The following FAM184A variants were observed in gnomAD, a reference collection of about 807,000 sequenced individuals.
FAM184A encodes the protein protein FAM184A.
FAM184A carries 99 observed loss-of-function variants against 143.8 expected under a neutral mutation model. The ratio of observed to expected loss-of-function variants is 0.69; its 90% CI spans 0.58 to 0.81. The LOEUF (loss-of-function observed/expected upper bound fraction) is 0.81, where lower values mean the gene tolerates loss of function less well. Ranked by LOEUF, FAM184A falls within the 40% of genes least tolerant of loss-of-function variation. The pLI, the probability that FAM184A is intolerant of heterozygous loss-of-function variation, is 0.00. For synonymous variants in FAM184A, 427 were observed against 446.4 expected (o/e 0.96, Z 0.55); for missense variants, 1,217 against 1,310.5 (o/e 0.93, Z 1.10).
chr6:119,091,322 G>C (rs184342031), intron 1 of FAM184A, among the ~76,000 whole-genome samples: 10 of 152,168 alleles, frequency 6.6e-5, no homozygotes, highest in Non-Finnish European at 1.5e-4. Context: ...TCTCCACCTT[G>C]GTTTCTAGAC....
intron 1 of FAM184A, among the ~76,000 whole-genome samples, chr6:119,084,089 G>A (rs200048598): frequency 8.5e-6 from 1 of 117,394 alleles, no homozygotes; most frequent in South Asian, 3.0e-4. Flanking sequence ...GAGAGAGAGA[G>A]AGAAAGAGAG....
intron 1 of FAM184A, among the ~76,000 whole-genome samples, chr6:119,144,333 C>CAAAA (rs555955754): frequency 1.3e-5 from 1 of 77,984 alleles, no homozygotes; most frequent in Admixed American, 1.5e-4. Flanking sequence ...GACTCTGACT[C>CAAAA]AAAAAAAAAA....
intron 1 of FAM184A, among the ~76,000 whole-genome samples, chr6:119,102,029 C>T (rs1378429767): frequency 6.6e-6 from 1 of 152,084 alleles, no homozygotes; most frequent in African/African-American, 2.4e-5. Flanking sequence ...GCACTCCAGC[C>T]TGGGCAACAC....
chr6:119,143,739 G>A (rs910361226), intron 1 of FAM184A, among the ~76,000 whole-genome samples: 7 of 152,324 alleles, frequency 4.6e-5, no homozygotes, highest in Admixed American at 3.9e-4. Flanking sequence ...ATCCCACTTG[G>A]ATGAGAGGCA....
intron 1 of FAM184A, among the ~76,000 whole-genome samples, chr6:119,099,284 G>A (rs1198754271): frequency 6.6e-6 from 1 of 151,960 alleles, no homozygotes; most frequent in Non-Finnish European, 1.5e-5. Flanking sequence ...CTCATCTTTA[G>A]CTTCTGCAGG....
At chr6:118,964,642 A>G (rs373300678) in intron 16 of FAM184A, 25 bp downstream of exon 16, 11 of 1,316,192 alleles carry the variant, frequency 8.4e-6, no homozygotes, top group Non-Finnish European at 1.1e-5. Flanking sequence ...CCACATTCCT[A>G]TTCTACAGTG....
At chr6:119,104,774 C>T (rs76607174) in intron 1 of FAM184A, among the ~76,000 whole-genome samples, 9 of 152,174 alleles carry the variant, frequency 5.9e-5, no homozygotes, top group African/African-American at 1.4e-4. Flanking sequence ...ATAAAACGCG[C>T]GAAAAACTGT....
chr6:119,136,139 G>A (rs552089271), intron 1 of FAM184A, among the ~76,000 whole-genome samples: 202 of 149,704 alleles, frequency 1.3e-3, no homozygotes, highest in African/African-American at 3.9e-3. Flanking sequence ...TTAGCCGGGC[G>A]CGGTGGCGGG....
intron 6 of FAM184A, among the ~76,000 whole-genome samples, chr6:119,007,149 C>T (rs774861321): frequency 7.2e-5 from 11 of 151,992 alleles, no homozygotes; most frequent in Non-Finnish European, 1.3e-4. Context: ...TTTATACACT[C>T]GAAATTAGAA....
At chr6:118,994,927 T>A (rs559231680) in intron 9 of FAM184A, among the ~76,000 whole-genome samples, 1 of 152,298 alleles carries the variant, frequency 6.6e-6, no homozygotes, top group Non-Finnish European at 1.5e-5. Context: ...ATATTACACA[T>A]GCATATATCC....
chr6:118,981,135 G>A (rs1438075980), intron 9 of FAM184A, among the ~76,000 whole-genome samples: 2 of 152,100 alleles, frequency 1.3e-5, no homozygotes, highest in African/African-American at 4.8e-5. Flanking sequence ...CAGTATGTCT[G>A]TATCACTTCT....
intron 6 of FAM184A, 62 bp from the exon 7 acceptor site, chr6:119,006,670 C>A: frequency 7.9e-7 from 1 of 1,273,376 alleles, no homozygotes; most frequent in African/African-American, 1.5e-5. Context: ...AATAGTCTTA[C>A]AATTTCTTCC....
At chr6:118,968,628 C>T (rs1783573160) in intron 14 of FAM184A, among the ~76,000 whole-genome samples, 1 of 152,214 alleles carries the variant, frequency 6.6e-6, no homozygotes, top group African/African-American at 2.4e-5. Context: ...GTCACTGGAG[C>T]ACTTTCTTTT....
chr6:119,124,148 G>A (rs1789297206), intron 1 of FAM184A, among the ~76,000 whole-genome samples: 1 of 152,148 alleles, frequency 6.6e-6, no homozygotes, highest in South Asian at 2.1e-4. Context: ...TGCAGTTAAA[G>A]ATGACAGCTA....
At chr6:119,138,700 C>T (rs1046344819) in intron 1 of FAM184A, among the ~76,000 whole-genome samples, 6 of 152,180 alleles carry the variant, frequency 3.9e-5, no homozygotes, top group African/African-American at 1.2e-4. Context: ...GATCTTGGCT[C>T]ACCGCAACCT....
chr6:119,081,033 G>C (rs373221672), upstream of FAM184A, among the ~76,000 whole-genome samples: 16 of 152,164 alleles, frequency 1.1e-4, no homozygotes, highest in East Asian at 7.7e-4. Context: ...GGTGCTACAC[G>C]CTTTTAAACA....
intron 1 of FAM184A, among the ~76,000 whole-genome samples, chr6:119,075,262 T>C (rs1285308988): frequency 6.6e-6 from 1 of 152,194 alleles, no homozygotes; most frequent in Non-Finnish European, 1.5e-5. Context: ...TCAAAATAAG[T>C]ACACTATCAC....
At chr6:119,040,169 C>A (rs1475080380) in intron 1 of FAM184A, among the ~76,000 whole-genome samples, 1 of 152,084 alleles carries the variant, frequency 6.6e-6, no homozygotes, top group Non-Finnish European at 1.5e-5. Flanking sequence ...TTGCCTCAGT[C>A]TGTTTTTCTG....
intron 1 of FAM184A, among the ~76,000 whole-genome samples, chr6:119,085,624 T>A (rs964938451): frequency 6.6e-6 from 1 of 152,250 alleles, no homozygotes; most frequent in African/African-American, 2.4e-5. Flanking sequence ...CACTTCCACA[T>A]TTTCAGGTAT....
Sources: gnomAD v4.1 joint callset for allele counts (sites outside exome capture counted in the v4.1 genomes callset) on GRCh38, gnomAD v4.1.1 for gene constraint, MANE v1.5 for transcripts, NCBI Gene and HGNC (gene_info 2026-07-23, HGNC 2026-07-21) for gene names.